Variants in RAD51B observed in about 807,000 individuals in gnomAD.
RAD51B encodes the protein DNA repair protein RAD51 homolog 2.
A neutral mutation model predicts 42.2 loss-of-function variants in RAD51B; 38 were observed. That is an observed-to-expected ratio of 0.90 (90% CI 0.70 to 1.18). The LOEUF (loss-of-function observed/expected upper bound fraction) is 1.18. RAD51B is among the 50% of genes most tolerant of loss of function. The probability of loss-of-function intolerance (pLI) is 0.00; values close to 1 mark genes in which losing one functional copy is unlikely to be tolerated. For synonymous variants in RAD51B, 154 were observed against 145.2 expected (o/e 1.06, Z -0.43); for missense variants, 373 against 400.7 (o/e 0.93, Z 0.59).
chr14:68,107,119 G>T (rs1038073275), intron 7 of RAD51B, among the ~76,000 whole-genome samples: 1 of 151,738 alleles, frequency 6.6e-6, no homozygotes, highest in Non-Finnish European at 1.5e-5. Context: ...TTCAGGACTG[G>T]TATAAACATG....
intron 10 of RAD51B, among the ~76,000 whole-genome samples, chr14:68,603,466 C>T (rs1238491052): frequency 2.0e-5 from 3 of 152,122 alleles, no homozygotes; most frequent in Admixed American, 6.5e-5. Flanking sequence ...TCTGTGACCA[C>T]GTGTTGCTTT....
chr14:68,146,750 T>A lies in RAD51B; in HGVS notation c.757-145134T>A, dbSNP rs1279652039. On this transcript the variant is annotated intron_variant, in intron 7 of 10. Transcript: ENST00000471583. ...AATTTGGCCCATAATTATGGCTACA[T>A]AAGTAAAAGCTGTGAACACTCTTAG... Among the ~76,000 whole-genome samples, 4 of 152,146 alleles carry A rather than the reference T, an allele frequency of 2.6e-5. No individual in the cohort carries two copies. The East Asian group carries it at 7.7e-4, about 29-fold the overall frequency.
intron 7 of RAD51B, among the ~76,000 whole-genome samples, chr14:68,213,386 TG>T (rs766846608): frequency 1.3e-5 from 2 of 152,204 alleles, no homozygotes; most frequent in Non-Finnish European, 2.9e-5. Context: ...GAGGCACAGA[TG>T]GCAGAGGACC....
chr14:68,411,340 G>A (rs971543907), intron 8 of RAD51B, 84 bp from the exon 9 acceptor site: 4 of 1,125,862 alleles, frequency 3.6e-6, no homozygotes, highest in Non-Finnish European at 5.4e-6. Flanking sequence ...CTGGACTACT[G>A]GCAATGAGTA....
intron 10 of RAD51B, among the ~76,000 whole-genome samples, chr14:68,549,360 C>T (rs1888397496): frequency 6.7e-6 from 1 of 149,734 alleles, no homozygotes; most frequent in South Asian, 2.1e-4. Context: ...GTGCAGCTAA[C>T]CACAAGAATG....
chr14:68,474,007 A>C (rs1882332448), intron 10 of RAD51B, among the ~76,000 whole-genome samples: 1 of 152,222 alleles, frequency 6.6e-6, no homozygotes, highest in South Asian at 2.1e-4. Flanking sequence ...CATGTGATAC[A>C]CAGGTCACAT....
At chr14:68,588,861 G>T (rs1890611767) in intron 10 of RAD51B, among the ~76,000 whole-genome samples, 1 of 152,194 alleles carries the variant, frequency 6.6e-6, no homozygotes, top group Non-Finnish European at 1.5e-5. Context: ...CACAGGGATG[G>T]ACAAGCCACG....
intron 7 of RAD51B, among the ~76,000 whole-genome samples, chr14:68,086,636 C>T (rs551700460): frequency 9.2e-5 from 14 of 152,030 alleles, no homozygotes; most frequent in Non-Finnish European, 1.9e-4. Flanking sequence ...GAGGTTGATA[C>T]GAGAGTGGAG....
chr14:68,599,761 A>G (rs1444449818), downstream of RAD51B, among the ~76,000 whole-genome samples: 1 of 152,216 alleles, frequency 6.6e-6, no homozygotes, highest in Non-Finnish European at 1.5e-5. Flanking sequence ...GTTCCCCTCC[A>G]AGGCTATGAA....
chr14:68,395,913 G>T (rs2083904355), intron 8 of RAD51B, among the ~76,000 whole-genome samples: 1 of 152,140 alleles, frequency 6.6e-6, no homozygotes. Context: ...ACTATTACTT[G>T]GTTTCACAAG....
chr14:67,918,356 T>G (rs2044222055), intron 7 of RAD51B, among the ~76,000 whole-genome samples: 1 of 152,134 alleles, frequency 6.6e-6, no homozygotes, highest in African/African-American at 2.4e-5. Flanking sequence ...TGCCTCAGCC[T>G]CCCGAGTAGC....
At chr14:68,029,395 A>G (rs2076005524) in intron 7 of RAD51B, among the ~76,000 whole-genome samples, 1 of 152,190 alleles carries the variant, frequency 6.6e-6, no homozygotes, top group African/African-American at 2.4e-5. Context: ...TTGTCATTTC[A>G]ACAGTGTTCA....
downstream of RAD51B, among the ~76,000 whole-genome samples, chr14:68,479,803 G>A (rs1333939819): frequency 6.6e-6 from 1 of 150,862 alleles, no homozygotes; most frequent in Non-Finnish European, 1.5e-5. Context: ...GAAGTAGCTG[G>A]GACCACAGAT....
At chr14:67,914,671 A>T (rs1056361131) in intron 7 of RAD51B, among the ~76,000 whole-genome samples, 3 of 152,216 alleles carry the variant, frequency 2.0e-5, no homozygotes, top group African/African-American at 7.2e-5. Flanking sequence ...TTCTGCAATT[A>T]TGCATATACA....
intron 7 of RAD51B, among the ~76,000 whole-genome samples, chr14:68,099,332 T>C (rs1566644359): frequency 6.6e-6 from 1 of 152,232 alleles, no homozygotes; most frequent in Non-Finnish European, 1.5e-5. Flanking sequence ...ACCTAGGTTA[T>C]AGATGTCTGT....
intron 8 of RAD51B, among the ~76,000 whole-genome samples, chr14:68,295,725 C>T (rs954235699): frequency 2.0e-5 from 3 of 152,172 alleles, no homozygotes; most frequent in African/African-American, 7.2e-5. Flanking sequence ...GCCCCTGCTG[C>T]GTACTACTCC....
chr14:68,438,945 G>A (rs1300219079), intron 9 of RAD51B, among the ~76,000 whole-genome samples: 1 of 152,070 alleles, frequency 6.6e-6, no homozygotes, highest in Non-Finnish European at 1.5e-5. Flanking sequence ...CTGCAAATTG[G>A]GAATCAGGAA....
intron 7 of RAD51B, among the ~76,000 whole-genome samples, chr14:68,168,891 A>G (rs776527821): frequency 6.6e-6 from 1 of 152,140 alleles, no homozygotes; most frequent in Non-Finnish European, 1.5e-5. Context: ...AATAGCCATG[A>G]CAAGAACCAG....
chr14:68,342,651 C>G (rs1358788310), intron 8 of RAD51B, among the ~76,000 whole-genome samples: 3 of 152,164 alleles, frequency 2.0e-5, no homozygotes, highest in East Asian at 3.9e-4. Flanking sequence ...ATTTCCTTAC[C>G]ATAAAGTGAA....
Sources: allele counts gnomAD v4.1 joint callset (sites outside exome capture counted in the v4.1 genomes callset), GRCh38; gene constraint gnomAD v4.1.1; transcripts MANE v1.5; gene names NCBI Gene and HGNC (gene_info 2026-07-23, HGNC 2026-07-21).